Variants in ABHD17C observed in about 807,000 individuals in gnomAD.
ABHD17C encodes the protein abhydrolase domain containing 17C, depalmitoylase.
A neutral mutation model predicts 27.9 loss-of-function variants in ABHD17C; 11 were observed. The ratio of observed to expected loss-of-function variants is 0.39; its 90% confidence interval spans 0.25 to 0.65. The LOEUF (loss-of-function observed/expected upper bound fraction) is 0.65, where lower values mean the gene tolerates loss of function less well. Among genes scored for constraint, ABHD17C ranks in the 30% least tolerant of loss-of-function variants. ABHD17C has a pLI of 0.45. For synonymous variants in ABHD17C, 233 were observed against 209.1 expected, an observed-to-expected ratio of 1.11 and a Z score of -0.98; for missense variants, 280 against 470.2, an observed-to-expected ratio of 0.60 and a Z score of 3.74.
chr15:80,703,223 G>T (rs534892818), intron 1 of ABHD17C: 1 of 152,372 alleles, frequency 6.6e-6, no homozygotes, highest in South Asian at 2.1e-4. Context: ...CTTTGATAAA[G>T]AAGCTTCTCT....
chr15:80,696,115 C>CCCCT, intron 1 of ABHD17C, 96 bp downstream of exon 1: 1 of 1,301,746 alleles, frequency 7.7e-7, no homozygotes, highest in Non-Finnish European at 1.0e-6. Context: ...AGGAGAGGGG[C>CCCCT]CCCTCCTCCG....
intron 1 of ABHD17C, among the ~76,000 whole-genome samples, chr15:80,725,901 G>A (rs141162091): frequency 0.025 from 3,877 of 152,134 alleles, 171 homozygotes; most frequent in East Asian, 0.11. Flanking sequence ...CTAACCCAGC[G>A]GCACTAGAGG....
chr15:80,701,172 C>A (rs773581028), intron 1 of ABHD17C, among the ~76,000 whole-genome samples: 4 of 152,108 alleles, frequency 2.6e-5, no homozygotes, highest in Non-Finnish European at 4.4e-5. Flanking sequence ...GGTCGTGGGA[C>A]CCTTGAAAAA....
intron 1 of ABHD17C, among the ~76,000 whole-genome samples, chr15:80,735,855 T>C (rs1200348589): frequency 7.4e-6 from 1 of 135,096 alleles, no homozygotes; most frequent in African/African-American, 3.0e-5. Context: ...TCTCATTTCC[T>C]TCATTATTTC....
At chr15:80,731,378 T>C (rs947412338) in intron 1 of ABHD17C, among the ~76,000 whole-genome samples, 3 of 152,262 alleles carry the variant, frequency 2.0e-5, no homozygotes, top group Non-Finnish European at 4.4e-5. Context: ...GGCAGACTTA[T>C]GCTTTTCCAA....
intron 1 of ABHD17C, among the ~76,000 whole-genome samples, chr15:80,715,592 G>T (rs1470569992): frequency 2.0e-5 from 3 of 152,208 alleles, no homozygotes; most frequent in African/African-American, 7.2e-5. Context: ...ATGAATGAAT[G>T]AATTTATAGT....
chr15:80,733,255 T>C (rs866183987), intron 1 of ABHD17C, among the ~76,000 whole-genome samples: 2 of 152,174 alleles, frequency 1.3e-5, no homozygotes, highest in South Asian at 2.1e-4. Flanking sequence ...AATCCCTGTT[T>C]TAGTCCAGCA....
chr15:80,744,635 C>A (rs1031583673), intron 1 of ABHD17C, among the ~76,000 whole-genome samples: 2 of 152,214 alleles, frequency 1.3e-5, no homozygotes, highest in Admixed American at 1.3e-4. Context: ...TCGCAGCATG[C>A]CTACTGACTC....
At chr15:80,737,190 GAGTAA>G (rs1164083622) in intron 1 of ABHD17C, among the ~76,000 whole-genome samples, 1 of 152,220 alleles carries the variant, frequency 6.6e-6, no homozygotes, top group Non-Finnish European at 1.5e-5. Context: ...CCGTGACAAA[GAGTAA>G]TGATTCAGGG....
intron 1 of ABHD17C, among the ~76,000 whole-genome samples, chr15:80,708,458 G>A (rs1894679477): frequency 6.6e-6 from 1 of 152,184 alleles, no homozygotes; most frequent in African/African-American, 2.4e-5. Context: ...TGGGATCACA[G>A]GCATGTGCCA....
chr15:80,715,040 C>G (rs1894784606), intron 1 of ABHD17C, among the ~76,000 whole-genome samples: 2 of 152,216 alleles, frequency 1.3e-5, no homozygotes, highest in African/African-American at 4.8e-5. Flanking sequence ...CTCGGCCTCC[C>G]AAAGTGCTGG....
intron 1 of ABHD17C, among the ~76,000 whole-genome samples, chr15:80,713,358 T>C (rs1894754337): frequency 7.5e-6 from 1 of 134,130 alleles, no homozygotes; most frequent in South Asian, 2.6e-4. Context: ...CTTGTTCTTT[T>C]TTTTTTTTTT....
At position 80,695,407 on chromosome 15, in the gene ABHD17C, G is replaced by A; in HGVS notation, c.-23G>A. On this transcript the variant is annotated 5_prime_UTR_variant, in exon 1 of 3. Coordinates refer to ENST00000258884, the MANE Select transcript of ABHD17C (RefSeq NM_021214.2). The surrounding 1 kb of genome is among the most constrained non-coding windows in gnomAD (Gnocchi z 4.3). Reference sequence around the variant, plus strand: ...GCCAGCCAGCCAGCCAGCCGGGCCGGCGGCGGGCACCAGGCCGTCCCGATG... The same window carrying A: ...GCCAGCCAGCCAGCCAGCCGGGCCGACGGCGGGCACCAGGCCGTCCCGATG... The A allele has an allele frequency of 8.2e-7, 1 of 1,215,842 alleles. No individual in the cohort carries two copies. The highest frequency in any genetic ancestry group is 1.0e-6 in the Non-Finnish European group (1 of 965,060). The allele number at this position is 1,215,842 out of a possible 1,614,324, so 75.3% of individuals were successfully genotyped here.
intron 1 of ABHD17C, among the ~76,000 whole-genome samples, chr15:80,742,857 C>T (rs928788477): frequency 3.3e-5 from 5 of 151,962 alleles, no homozygotes; most frequent in Admixed American, 6.6e-5. Context: ...AGGAAGGCAT[C>T]GTTCTTAATG....
In ABHD17C at chr15:80,695,754, GTCT is replaced by G. The variant is rs1272732401; in HGVS notation, c.332_334del (p.Phe111del). 10 of 1,537,110 alleles carry G rather than the reference GTCT, an allele frequency of 6.5e-6. No homozygotes were observed. The highest frequency in any genetic ancestry group is 2.7e-5 in the African/African-American group (2 of 73,082). On this transcript the variant is annotated inframe_deletion, in exon 1 of 3. Coordinates refer to ENST00000258884, the MANE Select transcript of ABHD17C (RefSeq NM_021214.2). The surrounding 1 kb of genome is among the most constrained non-coding windows in gnomAD (Gnocchi z 4.3). ...GCAGCGCGAGCTGGACGCCGTCGAGGTCTTCTTCTCGCGCACGGCCCGGGACAA... is the reference window on the plus strand; with the variant it reads ...GCAGCGCGAGCTGGACGCCGTCGAGGTCTTCTCGCGCACGGCCCGGGACAA...
At chr15:80,729,611 C>T (rs892611473) in intron 1 of ABHD17C, among the ~76,000 whole-genome samples, 3 of 152,176 alleles carry the variant, frequency 2.0e-5, no homozygotes, top group African/African-American at 7.2e-5. Flanking sequence ...TAAAACTCTC[C>T]TTTTCCACAT....
At chr15:80,751,850 C>T (rs1368673426) in intron 2 of ABHD17C, among the ~76,000 whole-genome samples, 2 of 152,188 alleles carry the variant, frequency 1.3e-5, no homozygotes, top group African/African-American at 2.4e-5. Context: ...AGATTTCAAA[C>T]CATTAATGGT....
chr15:80,738,122 G>C (rs897890116), intron 1 of ABHD17C, among the ~76,000 whole-genome samples: 4 of 152,084 alleles, frequency 2.6e-5, no homozygotes, highest in Admixed American at 1.3e-4. Flanking sequence ...TTATGCCTGA[G>C]GGATTCTCAG....
intron 1 of ABHD17C, among the ~76,000 whole-genome samples, chr15:80,743,806 C>T (rs1473473770): frequency 6.6e-6 from 1 of 152,146 alleles, no homozygotes; most frequent in Admixed American, 6.5e-5. Flanking sequence ...AGGCTGGCCT[C>T]AAGGAGTTCG....
Sources: gnomAD v4.1 joint callset for allele counts (sites outside exome capture counted in the v4.1 genomes callset) on GRCh38, gnomAD v4.1.1 for gene constraint, Gnocchi (gnomAD v3.1) non-coding constraint, MANE v1.5 for transcripts, NCBI Gene and HGNC (gene_info 2026-07-23, HGNC 2026-07-21) for gene names.